ADCK1: variants seen among roughly 807,000 people sequenced by gnomAD.
ADCK1 encodes aarF domain containing kinase 1, also known as aarF domain-containing protein kinase 1.
ADCK1 carries 41 observed loss-of-function variants against 52.3 expected under a neutral mutation model. The ratio of observed to expected loss-of-function variants is 0.78; its 90% CI spans 0.61 to 1.02. ADCK1 has a LOEUF of 1.02. Among genes scored for constraint, ADCK1 ranks in the 50% least tolerant of loss-of-function variants. The pLI, the probability that ADCK1 is intolerant of heterozygous loss-of-function variation, is 0.00. For synonymous variants in ADCK1, 250 were observed against 274.6 expected (o/e 0.91, Z 0.89); for missense variants, 658 against 679.5 (o/e 0.97, Z 0.35).
intron 6 of ADCK1, chr14:77,902,432 G>A (rs1294276071): frequency 1.3e-5 from 2 of 152,226 alleles, no homozygotes. Flanking sequence ...CACTGCCCCA[G>A]CCTTGGAGCT....
chr14:77,858,820 A>C (rs1279980072), intron 3 of ADCK1, among the ~76,000 whole-genome samples: 1 of 152,034 alleles, frequency 6.6e-6, no homozygotes, highest in African/African-American at 2.4e-5. Context: ...GTAAGTTTTG[A>C]TGAAGAGGAG....
At chr14:77,894,460 C>T (rs1308694383) in intron 5 of ADCK1, among the ~76,000 whole-genome samples, 1 of 152,114 alleles carries the variant, frequency 6.6e-6, no homozygotes. Context: ...TTATCTTGAG[C>T]TTCCTATTGT....
intron 1 of ADCK1, among the ~76,000 whole-genome samples, chr14:77,801,798 TG>T (rs2081115823): frequency 6.6e-6 from 1 of 152,032 alleles, no homozygotes; most frequent in African/African-American, 2.4e-5. Context: ...AAAAATTACC[TG>T]GGCGTAGTGG....
rs1040797333 is a variant in ADCK1 at position 77,922,221 on chromosome 14, C to A, written c.859-2236C>A. The stretch of plus-strand genomic sequence containing the variant: ...ACCCAGGACCAGCCCTGGCTGGGGG[C>A]CCCCTCTCCAGGGAAGCAGACAGTG... On this transcript the variant is annotated intron_variant, in intron 7 of 10. Transcript: ENST00000238561. Among the ~76,000 whole-genome samples the A allele has an allele frequency of 2.6e-5, 4 of 152,248 alleles. No individual in the cohort carries two copies. In the South Asian group the frequency reaches 6.2e-4, roughly 24 times the overall value.
chr14:77,879,529 A>T (rs967537553), intron 4 of ADCK1, among the ~76,000 whole-genome samples: 4 of 152,150 alleles, frequency 2.6e-5, no homozygotes, highest in Non-Finnish European at 5.9e-5. Flanking sequence ...GAACGAGGTC[A>T]TATGTTTCTA....
intron 4 of ADCK1, among the ~76,000 whole-genome samples, chr14:77,865,668 C>T (rs960083717): frequency 2.6e-5 from 4 of 152,172 alleles, no homozygotes; most frequent in Admixed American, 6.5e-5. Context: ...AGCTTCATAG[C>T]GAGCCTTGGC....
chr14:77,859,211 C>A lies in ADCK1; in HGVS notation c.355C>A (p.His119Asn), dbSNP rs748309206. 6.2e-7 allele frequency: 1 copy of A among 1,614,066 alleles called. No homozygotes were observed. The highest frequency in any genetic ancestry group is 8.5e-7 in the Non-Finnish European group (1 of 1,180,010). ...EEYTSTLKVL[H>N]SQAPQSSMQE... is the part of the protein sequence containing the mutation. Reference sequence around the variant, plus strand: ...GTACACCAGCACGCTGAAGGTACTGCACAGCCAGGCTCCACAGAGCAGCAT... The same window carrying A: ...GTACACCAGCACGCTGAAGGTACTGAACAGCCAGGCTCCACAGAGCAGCAT... The change falls in exon 4 of 11, where the codon CAC (histidine) becomes AAC (asparagine). Residue 119 changes from histidine (H) to asparagine (N), a missense_variant. Coordinates refer to ENST00000238561, the MANE Select transcript of ADCK1 (RefSeq NM_020421.4).
intron 4 of ADCK1, among the ~76,000 whole-genome samples, chr14:77,881,487 G>A (rs1267458223): frequency 6.6e-6 from 1 of 152,204 alleles, no homozygotes; most frequent in African/African-American, 2.4e-5. Context: ...GGGAATAGGT[G>A]CCCCCTCTCA....
intron 6 of ADCK1, among the ~76,000 whole-genome samples, chr14:77,900,098 G>A (rs2083500559): frequency 1.4e-5 from 2 of 141,716 alleles, no homozygotes; most frequent in Admixed American, 7.0e-5. Context: ...AAATTCATCA[G>A]TAATACAGTA....
Position 77,924,726 on chromosome 14 carries a change from C to T in ADCK1, c.1008+120C>T, listed in dbSNP as rs916831905. 2.2e-6 allele frequency: 3 copies of T among 1,354,742 alleles called. No individual in the cohort carries two copies. In the African/African-American group the frequency reaches 4.3e-5, roughly 20 times the overall value. 83.9% of individuals were successfully genotyped at this position (1,354,742 alleles called of 1,614,324 possible). A position where few individuals can be genotyped will look rare whatever the true frequency, so the allele number is the denominator to read the frequency against. Reference sequence around the variant, plus strand: ...GGGTAGCTGGAAAGGACCCTTCCCTCTCCCTTGGAGCTGTCATTTTGTGCA... The same window carrying T: ...GGGTAGCTGGAAAGGACCCTTCCCTTTCCCTTGGAGCTGTCATTTTGTGCA... On this transcript the variant is annotated intron_variant, in intron 8 of 10. Transcript: ENST00000238561.
chr14:77,822,418 A>G lies in ADCK1; in HGVS notation c.136-17A>G. On this transcript the variant is annotated splice_polypyrimidine_tract_variant and intron_variant, in intron 2 of 10. Coordinates refer to ENST00000238561, the MANE Select transcript of ADCK1 (RefSeq NM_020421.4). The stretch of plus-strand genomic sequence containing the variant: ...ATGTCCAGGTGCTAAGCTTTTCTCC[A>G]CTGCCTTGGTTCACAGACGGCTGTC... 1 of 1,606,178 alleles carries G rather than the reference A, an allele frequency of 6.2e-7. No individual in the cohort carries two copies. Among genetic ancestry groups the G allele is most frequent in the Non-Finnish European group, 8.5e-7 (1 of 1,172,696 alleles).
intron 3 of ADCK1, among the ~76,000 whole-genome samples, chr14:77,833,013 GAAGT>G (rs2081889435): frequency 6.6e-6 from 1 of 152,276 alleles, no homozygotes; most frequent in East Asian, 1.9e-4. Context: ...GAGAAAATGG[GAAGT>G]AAGACTCAAC....
At chr14:77,822,270 G>A (rs763592813) in intron 2 of ADCK1, among the ~76,000 whole-genome samples, 165 bp from the exon 3 acceptor site, 114 of 152,218 alleles carry the variant, frequency 7.5e-4, no homozygotes, top group Non-Finnish European at 1.4e-3. Context: ...AATAACAGGA[G>A]GAAGCTAGCT....
intron 3 of ADCK1, among the ~76,000 whole-genome samples, chr14:77,853,197 G>A (rs1594942095): frequency 6.6e-6 from 1 of 151,660 alleles, no homozygotes; most frequent in Admixed American, 6.6e-5. Context: ...TTGGCTTACT[G>A]CAACCTCTGC....
At chr14:77,906,295 A>G (rs574688651) in intron 6 of ADCK1, among the ~76,000 whole-genome samples, 2 of 152,298 alleles carry the variant, frequency 1.3e-5, no homozygotes, top group African/African-American at 4.8e-5. Flanking sequence ...ATGTTTCTTT[A>G]TTTGTAAGAG....
Position 77,905,304 on chromosome 14 carries a change from G to GTTTTTTTTTTTTTTTTTTTTTT in ADCK1, c.742-2479_742-2478insTTTTTTTTTTTTTTTTTTTTTT, listed in dbSNP as rs58057378. The stretch of plus-strand genomic sequence containing the variant: ...TCCACCTGTGACTCTTTCCTAGCTG[G>GTTTTTTTTTTTTTTTTTTTTTT]TTTTTTTTTTTTTTTTTTTTGAGAT... On this transcript the variant is annotated intron_variant, in intron 6 of 10. Transcript: ENST00000238561. 6.5e-4 allele frequency among the ~76,000 whole-genome samples: 63 copies of GTTTTTTTTTTTTTTTTTTTTTT among 96,264 alleles called. 8 individuals are homozygous for GTTTTTTTTTTTTTTTTTTTTTT. The highest frequency in any genetic ancestry group is 9.7e-4 in the Non-Finnish European group (49 of 50,618). 63.2% of individuals were successfully genotyped at this position (96,264 alleles called of 152,430 possible).
chr14:77,883,751 G>T (rs897502343), intron 4 of ADCK1, among the ~76,000 whole-genome samples: 1 of 152,122 alleles, frequency 6.6e-6, no homozygotes, highest in Non-Finnish European at 1.5e-5. Flanking sequence ...CCCAGTGAGG[G>T]GTGCATCCTC....
intron 4 of ADCK1, among the ~76,000 whole-genome samples, chr14:77,880,953 G>A (rs2083009195): frequency 6.6e-6 from 1 of 152,204 alleles, no homozygotes; most frequent in African/African-American, 2.4e-5. Flanking sequence ...TATGAACTCT[G>A]GTCAATTTGT....
chr14:77,930,639 T>G (rs1437318836), intron 9 of ADCK1, among the ~76,000 whole-genome samples: 2 of 152,172 alleles, frequency 1.3e-5, no homozygotes, highest in African/African-American at 4.8e-5. Context: ...TTACTAGCAC[T>G]TAACTTCTCA....
Sources: allele counts gnomAD v4.1 joint callset (sites outside exome capture counted in the v4.1 genomes callset), GRCh38; gene constraint gnomAD v4.1.1; transcripts MANE v1.5; gene names NCBI Gene and HGNC (gene_info 2026-07-23, HGNC 2026-07-21).